PPP2R1A: variants seen among roughly 807,000 people sequenced by gnomAD.
PPP2R1A encodes the protein protein phosphatase 2 scaffold subunit Aalpha, also known as serine/threonine-protein phosphatase 2A 65 kDa regulatory subunit A alpha isoform.
A neutral mutation model predicts 67.1 loss-of-function variants in PPP2R1A; 15 were observed. The observed-to-expected ratio is 0.22, with a 90% CI of 0.15 to 0.34. The LOEUF is 0.34. Among genes scored for constraint, PPP2R1A ranks in the 10% least tolerant of loss-of-function variants. The pLI is 1.00. For missense variants in PPP2R1A, 369 were observed against 775.0 expected (o/e 0.48, Z 6.22); for synonymous variants, 337 against 325.0 (o/e 1.04, Z -0.40).
Position 52,216,203 on chromosome 19 carries a change from G to C in PPP2R1A, c.993+129G>C. On this transcript the variant is annotated intron_variant, in intron 8 of 14. Transcript: ENST00000322088. This position sits in a 1 kb window ranked among gnomAD's most constrained non-coding sequence, Gnocchi z 4.3. ...GCCCTCTGGGACCAGGCAGCTCTTG[G>C]GTTTCAAGCAGTTAGGGGTCCTGAC... The C allele has an allele frequency of 9.4e-7, 1 of 1,063,942 alleles. No homozygotes were observed. The highest frequency in any genetic ancestry group is 1.4e-6 in the Non-Finnish European group (1 of 728,658). 65.9% of individuals were successfully genotyped at this position (1,063,942 alleles called of 1,614,324 possible). A position where few individuals can be genotyped will look rare whatever the true frequency, so the allele number is the denominator to read the frequency against.
Position 52,195,590 on chromosome 19 carries a change from G to A in PPP2R1A, c.78+5416G>A, listed in dbSNP as rs898405665. ...GCCATTCTGGGTCGTCAGAACTTCT[G>A]ATCTACCTGCTTCAAGTTGGAGTTC... is the stretch of plus-strand genomic sequence containing the variant. On this transcript the variant is annotated intron_variant, in intron 1 of 14. Transcript: ENST00000322088. Among the ~76,000 whole-genome samples the A allele has an allele frequency of 7.2e-5, 11 of 152,300 alleles. No individual in the cohort carries two copies. In the East Asian group the frequency reaches 1.4e-3, roughly 19 times the overall value.
At chr19:52,206,782 G>A (rs145243329) in intron 3 of PPP2R1A, among the ~76,000 whole-genome samples, 75 of 152,282 alleles carry the variant, frequency 4.9e-4, no homozygotes, top group African/African-American at 1.7e-3. Flanking sequence ...AGATGATCTG[G>A]GAAGGCAGAC....
rs1979436564 is a variant in PPP2R1A, at chr19:52,229,312, G to A, written c.*3331G>A. 1 of 152,258 alleles carries A rather than the reference G, an allele frequency of 6.6e-6. No individual in the cohort carries two copies. Among genetic ancestry groups the A allele is most frequent in the African/African-American group, 2.4e-5 (1 of 41,420 alleles). 9.4% of individuals were successfully genotyped at this position (152,258 alleles called of 1,614,324 possible). On this transcript the variant is annotated 3_prime_UTR_variant, in exon 15 of 15. Coordinates refer to ENST00000322088, the MANE Select transcript of PPP2R1A (RefSeq NM_014225.6). Reference sequence around the variant, plus strand: ...ATGAAAAAATTAGCTGGGCGTGGTGGAGGGCGCCTGTAATCCCAGCTACTC... The same window carrying A: ...ATGAAAAAATTAGCTGGGCGTGGTGAAGGGCGCCTGTAATCCCAGCTACTC...
In PPP2R1A at chr19:52,216,407, C is replaced by T. The variant is rs75451855; in HGVS notation, c.994-122C>T. 5.0e-4 allele frequency: 658 copies of T among 1,307,748 alleles called. 4 individuals are homozygous for T. In the African/African-American group the frequency reaches 8.8e-3, roughly 17 times the overall value. The allele number at this position is 1,307,748 out of a possible 1,614,324, so 81.0% of individuals were successfully genotyped here. On this transcript the variant is annotated intron_variant, in intron 8 of 14. Transcript: ENST00000322088. The surrounding 1 kb of genome is among the most constrained non-coding windows in gnomAD (Gnocchi z 4.3). ...GATTTCCCCTGTACCCTAAGCCATCCCCTGCTCTATGAATGAGAGGGGCAG... is the reference window on the plus strand; with the variant it reads ...GATTTCCCCTGTACCCTAAGCCATCTCCTGCTCTATGAATGAGAGGGGCAG...
intron 1 of PPP2R1A, 124 bp downstream of exon 1, chr19:52,190,298 C>T (rs1457741285): frequency 2.7e-6 from 3 of 1,117,648 alleles, no homozygotes; most frequent in African/African-American, 1.6e-5. Context: ...AATCAGCGTG[C>T]GTCTCTTATC....
chr19:52,220,292 A>G (rs1480389593), intron 11 of PPP2R1A, 43 bp downstream of exon 11: 1 of 1,596,490 alleles, frequency 6.3e-7, no homozygotes, highest in Non-Finnish European at 8.6e-7. Flanking sequence ...TGGGAGCTCC[A>G]GAAAGGCAGG....
chr19:52,190,219 T>TG (rs2089439328), intron 1 of PPP2R1A, 45 bp downstream of exon 1: 1 of 1,538,514 alleles, frequency 6.5e-7, no homozygotes, highest in Non-Finnish European at 8.8e-7. Context: ...GAGGGGTACC[T>TG]GGGGGCACGG....
At chr19:52,206,176 A>T in intron 3 of PPP2R1A, 113 bp downstream of exon 3, 2 of 876,214 alleles carry the variant, frequency 2.3e-6, no homozygotes, top group Non-Finnish European at 3.5e-6. Context: ...ACGTCAGAAC[A>T]GCCGGGCCAT....
In PPP2R1A at chr19:52,202,021, G is replaced by T. The variant is rs763355705; in HGVS notation, c.156G>T (p.Leu52=). 3 of 1,614,158 alleles carry T rather than the reference G, an allele frequency of 1.9e-6. No homozygotes were observed. The South Asian group carries it at 3.3e-5, about 18-fold the overall frequency. ...LGVERTRSEL[L]PFLTDTIYDE... ...TTGAAAGGACCCGAAGTGAGCTTCT[G>T]CCTTTCCTTACAGGTAACAAAGGGG... The change falls in exon 2 of 15, where the codon CTG becomes CTT. Residue 52 remains leucine (L), a synonymous_variant. Transcript: ENST00000322088.
At chr19:52,221,772 G>T (rs1207105092) in intron 12 of PPP2R1A, among the ~76,000 whole-genome samples, 1 of 152,128 alleles carries the variant, frequency 6.6e-6, no homozygotes, top group African/African-American at 2.4e-5. Flanking sequence ...GAAAGGAAGG[G>T]ATTTAAAAAT....
intron 3 of PPP2R1A, among the ~76,000 whole-genome samples, chr19:52,208,578 C>T (rs2089631916): frequency 1.3e-5 from 2 of 152,198 alleles, no homozygotes; most frequent in South Asian, 4.1e-4. Flanking sequence ...CAGCTCACTG[C>T]AGCCTCTGCC....
chr19:52,222,156 C>T lies in PPP2R1A; in HGVS notation c.1576C>T (p.Leu526=), dbSNP rs1410657790. Residue 526 remains leucine, a synonymous_variant, in exon 13 of 15, where the codon CTG becomes TTG. Transcript: ENST00000322088. ...ITTKHMLPTV[L]RMAGDPVANV... is the part of the protein sequence containing the mutation. ...CACCAAGCACATGCTACCCACGGTT[C>T]TGCGCATGGCTGGGGACCCGGTTGC... The T allele has an allele frequency of 2.5e-6, 4 of 1,614,206 alleles. No homozygotes were observed. The highest frequency in any genetic ancestry group is 2.5e-6 in the Non-Finnish European group (3 of 1,180,030).
intron 2 of PPP2R1A, among the ~76,000 whole-genome samples, 173 bp downstream of exon 2, chr19:52,202,207 G>A (rs2122301199): frequency 6.6e-6 from 1 of 152,332 alleles, no homozygotes; most frequent in African/African-American, 2.4e-5. Flanking sequence ...TAAAAGAATG[G>A]TCTGGAATGA....
rs398035011 is a variant in PPP2R1A, at chr19:52,213,457, G to GTT, written c.807+376_807+377dup. On this transcript the variant is annotated intron_variant, in intron 6 of 14. Transcript: ENST00000322088. The surrounding 1 kb of genome is among the most constrained non-coding windows in gnomAD (Gnocchi z 4.2). ...GCCCAAAAAGGTGGGGTTTTTTGGT[G>GTT]TTTTTTTTTTTTTTTTTTTTTTTTT... Among the ~76,000 whole-genome samples, 1,836 of 71,736 alleles carry GTT rather than the reference G, an allele frequency of 0.026. 221 individuals are homozygous for GTT. The highest frequency in any genetic ancestry group is 0.052 in the African/African-American group (952 of 18,362). The allele number at this position is 71,736 out of a possible 152,430, so 47.1% of individuals were successfully genotyped here.
At chr19:52,195,537 A>G (rs2122283907) in intron 1 of PPP2R1A, among the ~76,000 whole-genome samples, 1 of 152,298 alleles carries the variant, frequency 6.6e-6, no homozygotes, top group South Asian at 2.1e-4. Context: ...CAGGCCTCAA[A>G]ACTGCCCCTT....
chr19:52,223,186 A>G (rs533794074), intron 13 of PPP2R1A, among the ~76,000 whole-genome samples: 21 of 152,342 alleles, frequency 1.4e-4, no homozygotes, highest in African/African-American at 4.8e-4. Flanking sequence ...TTTTTTAAAA[A>G]ACATAGCTGA....
At chr19:52,206,324 G>A (rs1405546182) in intron 3 of PPP2R1A, among the ~76,000 whole-genome samples, 1 of 152,152 alleles carries the variant, frequency 6.6e-6, no homozygotes, top group African/African-American at 2.4e-5. Flanking sequence ...TAGGGCTGTG[G>A]GTTTAGAGTC....
chr19:52,227,762 ACT>A lies in PPP2R1A; in HGVS notation c.*1787_*1788del. 6.6e-6 allele frequency: 1 copy of A among 151,950 alleles called. No individual in the cohort carries two copies. The highest frequency in any genetic ancestry group is 1.5e-5 in the Non-Finnish European group (1 of 67,980). The allele number at this position is 151,950 out of a possible 1,614,324, so 9.4% of individuals were successfully genotyped here. On this transcript the variant is annotated 3_prime_UTR_variant, in exon 15 of 15. Coordinates refer to ENST00000322088, the MANE Select transcript of PPP2R1A (RefSeq NM_014225.6). ...TTTCCATTTATGCCCTGGGCGATAA[ACT>A]CTCTCCCAGTTGAGAACTACTGCTC... is the stretch of plus-strand genomic sequence containing the variant.
rs2089690104 is a variant in PPP2R1A at position 52,213,200 on chromosome 19, C to T, written c.807+90C>T. ...TATAGGAGCTGAGGTTTCCATTAGGCCGATGGAACCATTGGGCGTTTGAGC... is the reference window on the plus strand; with the variant it reads ...TATAGGAGCTGAGGTTTCCATTAGGTCGATGGAACCATTGGGCGTTTGAGC... On this transcript the variant is annotated intron_variant, in intron 6 of 14. Coordinates refer to ENST00000322088, the MANE Select transcript of PPP2R1A (RefSeq NM_014225.6). The surrounding 1 kb of genome is among the most constrained non-coding windows in gnomAD (Gnocchi z 4.2). 7.0e-7 allele frequency: 1 copy of T among 1,419,380 alleles called. No homozygotes were observed. The highest frequency in any genetic ancestry group is 1.4e-5 in the African/African-American group (1 of 69,562). The allele number at this position is 1,419,380 out of a possible 1,614,324, so 87.9% of individuals were successfully genotyped here. A position where few individuals can be genotyped will look rare whatever the true frequency, so the allele number is the denominator to read the frequency against.
Sources: allele counts gnomAD v4.1 joint callset (sites outside exome capture counted in the v4.1 genomes callset), GRCh38; gene constraint gnomAD v4.1.1; non-coding constraint Gnocchi (gnomAD v3.1); transcripts MANE v1.5; gene names NCBI Gene and HGNC (gene_info 2026-07-23, HGNC 2026-07-21).